WDFY3: variants seen among roughly 807,000 people sequenced by gnomAD.
WDFY3 encodes WD repeat and FYVE domain-containing protein 3.
WDFY3 carries 66 observed loss-of-function variants against 409.6 expected under a neutral mutation model. The observed-to-expected ratio is 0.16, with a 90% CI of 0.13 to 0.20. The LOEUF (loss-of-function observed/expected upper bound fraction) is 0.20. WDFY3 is among the 10% of genes least tolerant of loss of function. The probability of loss-of-function intolerance (pLI) is 1.00; values close to 1 mark genes in which losing one functional copy is unlikely to be tolerated. For synonymous variants in WDFY3, 1,521 were observed against 1,537.1 expected, an observed-to-expected ratio of 0.99 and a Z score of 0.25; for missense variants, 3,031 against 4,298.1, an observed-to-expected ratio of 0.71 and a Z score of 8.24.
chr4:84,959,353 C>CA (rs1250581510), intron 1 of WDFY3, among the ~76,000 whole-genome samples: 1 of 151,732 alleles, frequency 6.6e-6, no homozygotes, highest in Non-Finnish European at 1.5e-5. Flanking sequence ...AAAATTAAAA[C>CA]AAAAAACAAT....
At chr4:84,697,343 T>G (rs1194973493) in intron 56 of WDFY3, among the ~76,000 whole-genome samples, 1 of 152,222 alleles carries the variant, frequency 6.6e-6, no homozygotes, top group Non-Finnish European at 1.5e-5. Flanking sequence ...TCTGTAGAAC[T>G]GGCATGTATT....
chr4:84,695,848 G>A (rs1488894077), intron 58 of WDFY3, 122 bp downstream of exon 58: 11 of 912,166 alleles, frequency 1.2e-5, no homozygotes, highest in Admixed American at 2.8e-5. Flanking sequence ...GAAATCCTAG[G>A]TGATATTTAT....
At chr4:84,697,966 T>C (rs1436426066) in intron 56 of WDFY3, among the ~76,000 whole-genome samples, 5 of 152,206 alleles carry the variant, frequency 3.3e-5, no homozygotes, top group Admixed American at 3.3e-4. Flanking sequence ...AAGGAATGTC[T>C]TGACTTGGTT....
At chr4:84,692,740 A>T in intron 59 of WDFY3, 145 bp downstream of exon 59, 1 of 693,624 alleles carries the variant, frequency 1.4e-6, no homozygotes, top group South Asian at 2.4e-5. Context: ...AAATACTAGT[A>T]GGTATTTAGT....
chr4:84,903,603 A>G (rs535933092), intron 2 of WDFY3, among the ~76,000 whole-genome samples: 1 of 152,202 alleles, frequency 6.6e-6, no homozygotes, highest in Admixed American at 6.5e-5. Flanking sequence ...TACAGGTGTG[A>G]GCCACTGTGC....
chr4:84,771,623 T>C (rs887198173), intron 30 of WDFY3, among the ~76,000 whole-genome samples: 1 of 152,214 alleles, frequency 6.6e-6, no homozygotes, highest in Admixed American at 6.5e-5. Flanking sequence ...GGTTCCTATA[T>C]AGTCAATGGT....
Position 84,803,486 on chromosome 4 carries a change from T to C in WDFY3, c.2430-19A>G. ...TGCATGCCTATAAAAAAAGAAAGAG[T>C]AAATTTGGTATTGAATTCCAATCAC... On this transcript the variant is annotated intron_variant, in intron 15 of 67. Coordinates refer to ENST00000295888, the MANE Select transcript of WDFY3 (RefSeq NM_014991.6). 4 of 1,588,396 alleles carry C rather than the reference T, an allele frequency of 2.5e-6. No individual in the cohort carries two copies. The highest frequency in any genetic ancestry group is 3.4e-6 in the Non-Finnish European group (4 of 1,168,708).
chr4:84,955,156 T>C (rs368018073), intron 1 of WDFY3, among the ~76,000 whole-genome samples: 3 of 151,808 alleles, frequency 2.0e-5, no homozygotes, highest in African/African-American at 2.4e-5. Context: ...TGAGCTGAGA[T>C]TGTGCCACTG....
chr4:84,780,037 T>A (rs1052804607), intron 26 of WDFY3, 71 bp downstream of exon 26: 18 of 1,432,654 alleles, frequency 1.3e-5, no homozygotes, highest in Middle Eastern at 2.2e-4. Context: ...TCAAACAACA[T>A]GAATGATAAT....
chr4:84,790,928 T>A (rs974900130), intron 21 of WDFY3, among the ~76,000 whole-genome samples: 5 of 151,794 alleles, frequency 3.3e-5, no homozygotes, highest in Admixed American at 1.3e-4. Flanking sequence ...CCTGTCAGAA[T>A]GGCTATTATC....
At chr4:84,899,223 T>C (rs371758679) in intron 2 of WDFY3, among the ~76,000 whole-genome samples, 2 of 152,174 alleles carry the variant, frequency 1.3e-5, no homozygotes, top group East Asian at 3.9e-4. Flanking sequence ...AAAATGAGTA[T>C]GCCTTTTATC....
chr4:84,711,616 G>C (rs1396223706), intron 51 of WDFY3, among the ~76,000 whole-genome samples: 2 of 152,104 alleles, frequency 1.3e-5, no homozygotes, highest in African/African-American at 2.4e-5. Flanking sequence ...ACTTTGGGAG[G>C]CCGAGGAGGG....
At chr4:84,921,762 A>G (rs567600816) in intron 2 of WDFY3, among the ~76,000 whole-genome samples, 13 of 147,406 alleles carry the variant, frequency 8.8e-5, no homozygotes, top group African/African-American at 3.3e-4. Flanking sequence ...GGTTCAAGCA[A>G]TTCTCTGCCT....
At chr4:84,930,347 A>G (rs1307994296) in intron 2 of WDFY3, among the ~76,000 whole-genome samples, 1 of 152,198 alleles carries the variant, frequency 6.6e-6, no homozygotes, top group African/African-American at 2.4e-5. Context: ...CTGCAGTCAT[A>G]TAATCTAATC....
At chr4:84,812,817 A>G (rs1169296136) in intron 13 of WDFY3, among the ~76,000 whole-genome samples, 2 of 152,136 alleles carry the variant, frequency 1.3e-5, no homozygotes, top group Non-Finnish European at 2.9e-5. Flanking sequence ...TTGCTCTGAC[A>G]TTATCCCAAG....
chr4:84,833,645 C>T (rs998092933), intron 7 of WDFY3, among the ~76,000 whole-genome samples: 1 of 139,804 alleles, frequency 7.2e-6, no homozygotes, highest in Non-Finnish European at 1.6e-5. Flanking sequence ...CAGAGTGAGA[C>T]CTTGTCTCAA....
At position 84,683,971 on chromosome 4, in the gene WDFY3, A is replaced by G; in HGVS notation, c.9698T>C (p.Val3233Ala). 1 of 1,608,514 alleles carries G rather than the reference A, an allele frequency of 6.2e-7. No homozygotes were observed. Among genetic ancestry groups the G allele is most frequent in the Non-Finnish European group, 8.5e-7 (1 of 1,175,464 alleles). ...AACCACTCCATCTGAGTGTCCTGTC[A>G]CTATGACGTTCTGCGTGTCCCATTC... Reference protein sequence around the residue: ...MNEWDTQNVIVTGHSDGVVRF... With the variant: ...MNEWDTQNVIATGHSDGVVRF... The change falls in exon 63 of 68, where the codon GTG (valine) becomes GCG (alanine). Residue 3233 changes from valine (V) to alanine (A), a missense_variant. Val to Ala is a moderately conservative substitution (Grantham distance 64). This residue lies in a region of WDFY3 where 378 missense variants were observed against 477.3 expected (regional missense o/e 0.79). Transcript: ENST00000295888.
chr4:84,879,918 TAAC>T (rs1217013745), intron 3 of WDFY3, among the ~76,000 whole-genome samples: 2 of 152,292 alleles, frequency 1.3e-5, no homozygotes, highest in Admixed American at 6.5e-5. Flanking sequence ...CAAATTAACA[TAAC>T]AACGAGTTAA....
chr4:84,800,631 A>T (rs1331821010), intron 17 of WDFY3, among the ~76,000 whole-genome samples: 1 of 152,166 alleles, frequency 6.6e-6, no homozygotes, highest in Non-Finnish European at 1.5e-5. Flanking sequence ...ACATTCTCAA[A>T]ATCAGTGGTA....
Sources: allele counts gnomAD v4.1 joint callset (sites outside exome capture counted in the v4.1 genomes callset), GRCh38; gene constraint gnomAD v4.1.1; regional missense constraint gnomAD v4.1.1; transcripts MANE v1.5; gene names NCBI Gene and HGNC (gene_info 2026-07-23, HGNC 2026-07-21).